Variants in DYNC1H1 observed in about 807,000 individuals in gnomAD.
DYNC1H1 encodes the protein cytoplasmic dynein 1 heavy chain 1.
Under a neutral mutation model 527.1 loss-of-function variants are expected in DYNC1H1, and 51 were observed. That is an observed-to-expected ratio of 0.10 (90% CI 0.08 to 0.12). The LOEUF (loss-of-function observed/expected upper bound fraction) is 0.12. Ranked by LOEUF, DYNC1H1 falls within the 10% of genes least tolerant of loss-of-function variation. The probability of loss-of-function intolerance (pLI) is 1.00; values close to 1 mark genes in which losing one functional copy is unlikely to be tolerated. For missense variants in DYNC1H1, 2,771 were observed against 5,971.8 expected (o/e 0.46, Z 17.66); for synonymous variants, 2,189 against 2,278.8 (o/e 0.96, Z 1.12).
chr14:102,022,124 A>T (rs1356200438), intron 42 of DYNC1H1, among the ~76,000 whole-genome samples: 2 of 151,798 alleles, frequency 1.3e-5, no homozygotes, highest in East Asian at 3.9e-4. Context: ...CAACAGAGTG[A>T]GACTCTGTAA....
rs201902137 is a variant in DYNC1H1 at position 102,005,130 on chromosome 14, C to T, written c.5327C>T (p.Ala1776Val). 17 of 1,614,174 alleles carry T rather than the reference C, an allele frequency of 1.1e-5. No homozygotes were observed. Among genetic ancestry groups the T allele is most frequent in the Admixed American group, 3.3e-5 (2 of 60,018 alleles). Residue 1776 changes from alanine (A) to valine (V), a missense_variant, in exon 26 of 78, where the codon GCG becomes GTG. Around this residue, in one of 32 missense-constraint regions of DYNC1H1, gnomAD observed 105 missense variants for 138.1 expected, o/e 0.76. Coordinates refer to ENST00000360184, the MANE Select transcript of DYNC1H1 (RefSeq NM_001376.5). This position sits in a 1 kb window ranked among gnomAD's most constrained non-coding sequence, Gnocchi z 4.0. ...LSSMGGGGDA[A>V]PLHSVLSNVE... ...AGCATGGGCGGAGGTGGAGATGCCG[C>T]GCCCTTGCACTCTGTGCTGAGCAAT...
chr14:102,036,266 C>CT lies in DYNC1H1; in HGVS notation c.10755-222dup, dbSNP rs2048574202. 5 of 533,588 alleles carry CT rather than the reference C, an allele frequency of 9.4e-6. No individual in the cohort carries two copies. Among genetic ancestry groups the CT allele is most frequent in the South Asian group, 1.9e-5 (1 of 51,564 alleles). 33.1% of individuals were successfully genotyped at this position (533,588 alleles called of 1,614,324 possible). A position where few individuals can be genotyped will look rare whatever the true frequency, so the allele number is the denominator to read the frequency against. ...TAACTATGGCCCTCTTGGTGTATGA[C>CT]TCAAGCTACCTCCTCATGCCAATAG... On this transcript the variant is annotated intron_variant, in intron 56 of 77. Coordinates refer to ENST00000360184, the MANE Select transcript of DYNC1H1 (RefSeq NM_001376.5). The surrounding 1 kb of genome is among the most constrained non-coding windows in gnomAD (Gnocchi z 5.6).
chr14:102,033,878 C>G lies in DYNC1H1; in HGVS notation c.10414-98C>G, dbSNP rs1464622635. ...AACTTGGGCACGTTTCTAACCCACCCAAAACCCTGCACATAATGTGGATGA... is the reference window on the plus strand; with the variant it reads ...AACTTGGGCACGTTTCTAACCCACCGAAAACCCTGCACATAATGTGGATGA... On this transcript the variant is annotated intron_variant, in intron 54 of 77. Coordinates refer to ENST00000360184, the MANE Select transcript of DYNC1H1 (RefSeq NM_001376.5). This position sits in a 1 kb window ranked among gnomAD's most constrained non-coding sequence, Gnocchi z 5.6. 3 of 1,402,436 alleles carry G rather than the reference C, an allele frequency of 2.1e-6. No individual in the cohort carries two copies. In the East Asian group the frequency reaches 7.0e-5, roughly 33 times the overall value. The allele number at this position is 1,402,436 out of a possible 1,614,324, so 86.9% of individuals were successfully genotyped here.
At chr14:101,999,669 T>C (rs1026459691) in intron 16 of DYNC1H1, among the ~76,000 whole-genome samples, 1 of 152,240 alleles carries the variant, frequency 6.6e-6, no homozygotes, top group African/African-American at 2.4e-5. Context: ...TGTCCTCTTC[T>C]ATCACTGGGG....
In DYNC1H1 at chr14:102,033,769, A is replaced by G. The variant is rs1239569577; in HGVS notation, c.10414-207A>G. On this transcript the variant is annotated intron_variant, in intron 54 of 77. Coordinates refer to ENST00000360184, the MANE Select transcript of DYNC1H1 (RefSeq NM_001376.5). The surrounding 1 kb of genome is among the most constrained non-coding windows in gnomAD (Gnocchi z 5.6). ...TGCCTGAGGGCCTCGCTCCGTACCC[A>G]GCTTCTGCCCCGCTGAGATTCTGAG... 1 of 695,790 alleles carries G rather than the reference A, an allele frequency of 1.4e-6. No individual in the cohort carries two copies. The highest frequency in any genetic ancestry group is 2.4e-5 in the Admixed American group (1 of 42,468). 43.1% of individuals were successfully genotyped at this position (695,790 alleles called of 1,614,324 possible). A position where few individuals can be genotyped will look rare whatever the true frequency, so the allele number is the denominator to read the frequency against.
Position 102,049,056 on chromosome 14 carries a change from C to T in DYNC1H1, c.13373-384C>T. 2.3e-6 allele frequency: 1 copy of T among 426,608 alleles called. No homozygotes were observed. Among genetic ancestry groups the T allele is most frequent in the East Asian group, 5.2e-5 (1 of 19,200 alleles). The allele number at this position is 426,608 out of a possible 1,614,324, so 26.4% of individuals were successfully genotyped here. Reference sequence around the variant, plus strand: ...CAGGGGCAGGCGGGCATGGGGGGCTCATCCAAAGTTGTGGGGAGCCCCCAG... The same window carrying T: ...CAGGGGCAGGCGGGCATGGGGGGCTTATCCAAAGTTGTGGGGAGCCCCCAG... On this transcript the variant is annotated intron_variant, in intron 74 of 77. Transcript: ENST00000360184. The surrounding 1 kb of genome is among the most constrained non-coding windows in gnomAD (Gnocchi z 5.5).
chr14:101,968,500 C>G (rs994018832), intron 1 of DYNC1H1, among the ~76,000 whole-genome samples: 2 of 151,746 alleles, frequency 1.3e-5, no homozygotes, highest in Non-Finnish European at 2.9e-5. Flanking sequence ...TGCCAAAGTG[C>G]TGGGATTACA....
At position 102,040,370 on chromosome 14, in the gene DYNC1H1, C is replaced by T. The variant is rs771764035; in HGVS notation, c.11825C>T (p.Pro3942Leu). Residue 3942 changes from proline to leucine, a missense_variant, in exon 63 of 78, where the codon CCC becomes CTC. Around this residue, in one of 32 missense-constraint regions of DYNC1H1, gnomAD observed 120 missense variants for 161.9 expected, o/e 0.74. Transcript: ENST00000360184. ...AEAVVRLSCL[P>L]AFKDLIAKVQ... ...GCGGTGGTGAGGCTGAGCTGCCTTC[C>T]CGCGTTTAAGGACTTGATTGCAAAG... 6.2e-7 allele frequency: 1 copy of T among 1,614,040 alleles called. No individual in the cohort carries two copies. The highest frequency in any genetic ancestry group is 1.3e-5 in the African/African-American group (1 of 74,898).
At chr14:101,999,159 G>A (rs1157617074) in intron 16 of DYNC1H1, among the ~76,000 whole-genome samples, 1 of 151,994 alleles carries the variant, frequency 6.6e-6, no homozygotes, top group Non-Finnish European at 1.5e-5. Context: ...TGGGATTATA[G>A]GCGTGAGCCA....
chr14:101,975,621 A>T (rs2051959791), intron 1 of DYNC1H1, 91 bp from the exon 2 acceptor site: 5 of 1,178,344 alleles, frequency 4.2e-6, no homozygotes, highest in Non-Finnish European at 3.8e-6. Flanking sequence ...TCAGGCTGGG[A>T]GTAGGGAGAA....
At position 102,019,926 on chromosome 14, in the gene DYNC1H1, A is replaced by G. The variant is rs1353711965; in HGVS notation, c.8377A>G (p.Ile2793Val). The change falls in exon 42 of 78, where the codon ATC (isoleucine) becomes GTC (valine). Residue 2793 changes from isoleucine (I) to valine (V), a missense_variant. Transcript: ENST00000360184. ...CACCCAGGATACACAACCTCACTAT[A>G]TCTATTCACCCCGTGAAATGACTAG... Reference protein sequence around the residue: ...RFTQDTQPHYIYSPREMTRWV... With the variant: ...RFTQDTQPHYVYSPREMTRWV... 6.2e-7 allele frequency: 1 copy of G among 1,613,972 alleles called. No homozygotes were observed. The highest frequency in any genetic ancestry group is 1.3e-5 in the African/African-American group (1 of 74,882).
chr14:101,967,419 C>CT (rs1283883020), intron 1 of DYNC1H1, among the ~76,000 whole-genome samples: 1 of 152,170 alleles, frequency 6.6e-6, no homozygotes, highest in Non-Finnish European at 1.5e-5. Flanking sequence ...ATTCCTTCCA[C>CT]TTTTTTTGTG....
chr14:101,966,044 G>T (rs1317608660), intron 1 of DYNC1H1, among the ~76,000 whole-genome samples: 1 of 152,158 alleles, frequency 6.6e-6, no homozygotes, highest in African/African-American at 2.4e-5. Flanking sequence ...TAAGGATGAT[G>T]TCCAAGGTTA....
chr14:102,046,548 A>G (rs2048722077), intron 72 of DYNC1H1, among the ~76,000 whole-genome samples: 1 of 152,096 alleles, frequency 6.6e-6, no homozygotes, highest in Non-Finnish European at 1.5e-5. Flanking sequence ...TCTGGAGCAC[A>G]CTGCAGGCAC....
At chr14:102,019,821 A>G in intron 41 of DYNC1H1, 72 bp from the exon 42 acceptor site, 9 of 1,595,120 alleles carry the variant, frequency 5.6e-6, no homozygotes, top group Non-Finnish European at 6.9e-6. Flanking sequence ...GTTTTGCCAC[A>G]TTTTACCTTT....
intron 15 of DYNC1H1, 92 bp downstream of exon 15, chr14:101,995,392 A>T: frequency 6.6e-7 from 1 of 1,504,802 alleles, no homozygotes; most frequent in Non-Finnish European, 9.2e-7. Flanking sequence ...CGGGCGGATC[A>T]CGAGGTCAGG....
rs1567010429 is a variant in DYNC1H1, at chr14:102,010,836, G to A, written c.6502G>A (p.Val2168Ile). The change falls in exon 32 of 78, where the codon GTC (valine) becomes ATC (isoleucine). Residue 2168 changes from valine (V) to isoleucine (I), a missense_variant. This residue lies in a region of DYNC1H1 where 56 missense variants were observed against 140.6 expected (regional missense o/e 0.40). Transcript: ENST00000360184. This position sits in a 1 kb window ranked among gnomAD's most constrained non-coding sequence, Gnocchi z 6.0. The stretch of plus-strand genomic sequence containing the variant: ...CCTCCTGTCGGACGTGTTCCCTGGA[G>A]TCCAGTATCACAGGGGTGAGATGAC... ...FSLLSDVFPG[V>I]QYHRGEMTAL... is the part of the protein sequence containing the mutation. 6.2e-7 allele frequency: 1 copy of A among 1,614,144 alleles called. No individual in the cohort carries two copies. The highest frequency in any genetic ancestry group is 1.3e-5 in the African/African-American group (1 of 74,950).
rs753433901 is a variant in DYNC1H1 at position 102,044,393 on chromosome 14, C to T, written c.12804C>T (p.Phe4268=). 1.2e-6 allele frequency: 2 copies of T among 1,614,184 alleles called. No homozygotes were observed. Among genetic ancestry groups the T allele is most frequent in the East Asian group, 4.5e-5 (2 of 44,882 alleles). ...TTGACCAGCGTCTGCTCAACACCTTCCTGGAGCGCCTGTTCACAACCAGGA... is the reference window on the plus strand; with the variant it reads ...TTGACCAGCGTCTGCTCAACACCTTTCTGGAGCGCCTGTTCACAACCAGGA... The part of the protein sequence containing the change: ...NEFDQRLLNT[F]LERLFTTRSF... Residue 4268 remains phenylalanine (F), a synonymous_variant, in exon 71 of 78, where the codon TTC becomes TTT. Transcript: ENST00000360184. This position sits in a 1 kb window ranked among gnomAD's most constrained non-coding sequence, Gnocchi z 7.1.
rs1280878179 is a variant in DYNC1H1 at position 102,001,091 on chromosome 14, G to T, written c.4185+27G>T. On this transcript the variant is annotated intron_variant, in intron 19 of 77. Transcript: ENST00000360184. The surrounding 1 kb of genome is among the most constrained non-coding windows in gnomAD (Gnocchi z 5.0). ...TAGGTGGCCAGTATCGCACGGTGAT[G>T]AGTGTCCATTAGAAACGCACCTGCA... The T allele has an allele frequency of 6.2e-7, 1 of 1,613,828 alleles. No individual in the cohort carries two copies. Among genetic ancestry groups the T allele is most frequent in the Admixed American group, 1.7e-5 (1 of 59,998 alleles).
Sources: gnomAD v4.1 joint callset for allele counts (sites outside exome capture counted in the v4.1 genomes callset) on GRCh38, gnomAD v4.1.1 for gene constraint, gnomAD v4.1.1 regional missense constraint, Gnocchi (gnomAD v3.1) non-coding constraint, MANE v1.5 for transcripts, NCBI Gene and HGNC (gene_info 2026-07-23, HGNC 2026-07-21) for gene names.